Variants in NAA10 observed in about 807,000 individuals in gnomAD.
The protein encoded by NAA10 is N-alpha-acetyltransferase 10, NatA catalytic subunit.
Under a neutral mutation model 19.2 loss-of-function variants are expected in NAA10, and 6 were observed. The ratio of observed to expected loss-of-function variants is 0.31; its 90% CI spans 0.17 to 0.62. The LOEUF (loss-of-function observed/expected upper bound fraction) is 0.62. NAA10 is among the 20% of genes least tolerant of loss of function. The pLI, the probability that NAA10 is intolerant of heterozygous loss-of-function variation, is 0.83. For missense variants in NAA10, 101 were observed against 198.4 expected, an observed-to-expected ratio of 0.51 and a Z score of 2.95; for synonymous variants, 97 against 79.9, an observed-to-expected ratio of 1.21 and a Z score of -1.14.
chrX:153,930,660 C>A (rs2065161426), intron 7 of NAA10, 103 bp downstream of exon 7: 10 of 890,408 alleles, frequency 1.1e-5, no homozygotes, highest in Non-Finnish European at 1.6e-5. Flanking sequence ...GGCAACGTAG[C>A]CACAAGAGCT....
chrX:153,932,849 C>T (rs2065174609), intron 3 of NAA10: 3 of 404,606 alleles, frequency 7.4e-6, no homozygotes, highest in East Asian at 8.1e-5. Flanking sequence ...CCCAGGAGTT[C>T]GAGACCAGCC....
At chrX:153,934,603 A>G in intron 1 of NAA10, 128 bp from the exon 2 acceptor site, 1 of 619,488 alleles carries the variant, frequency 1.6e-6, no homozygotes, top group Non-Finnish European at 2.6e-6. Flanking sequence ...TGACGATCTG[A>G]CTTTGCACAA....
intron 3 of NAA10, chrX:153,933,656 GGCA>G (rs2065179775): frequency 4.6e-6 from 1 of 217,991 alleles, no homozygotes. Flanking sequence ...TGGGCGACAG[GGCA>G]AGACTCCGTC....
chrX:153,933,728 A>G, intron 3 of NAA10: 3 of 390,801 alleles, frequency 7.7e-6, no homozygotes, highest in Non-Finnish European at 1.3e-5. Flanking sequence ...ATCACTTGTC[A>G]CAAGTGGACC....
chrX:153,934,335 T>G (rs782150604), intron 2 of NAA10, 42 bp downstream of exon 2: 1 of 1,076,359 alleles, frequency 9.3e-7, no homozygotes, highest in East Asian at 3.2e-5. Context: ...GGGATTTTCC[T>G]CGGCCTGCTT....
intron 3 of NAA10, chrX:153,932,862 G>A (rs1271004625): frequency 3.2e-5 from 12 of 376,908 alleles, no homozygotes; most frequent in Middle Eastern, 7.2e-4. Context: ...GACCAGCCTG[G>A]ACAACACTTT....
At chrX:153,931,831 A>T in intron 6 of NAA10, 1 of 1,095,808 alleles carries the variant, frequency 9.1e-7, no homozygotes, top group Non-Finnish European at 1.2e-6. Flanking sequence ...CATGGGCCAG[A>T]GCTCCTCCAT....
At position 153,932,328 on chromosome X, in the gene NAA10, T is replaced by G; in HGVS notation, c.329A>C (p.His110Pro). 8.3e-7 allele frequency: 1 copy of G among 1,205,716 alleles called. No homozygotes were observed. Among genetic ancestry groups the G allele is most frequent in the Non-Finnish European group, 1.1e-6 (1 of 890,783 alleles). The change falls in exon 5 of 8, where the codon CAT (histidine) becomes CCT (proline). Residue 110 changes from histidine to proline, a missense_variant. By Grantham distance (77) the His-to-Pro change is moderately conservative. Transcript: ENST00000464845. ...ENFNAKYVSL[H>P]VRKSNRAALH... ...GCCCGGCTTCCACCTCTTCCTGACA[T>G]GCAGGGAGACATATTTGGCATTGAA...
intron 2 of NAA10, 90 bp downstream of exon 2, chrX:153,934,287 T>C: frequency 1.2e-6 from 1 of 809,901 alleles, no homozygotes; most frequent in Non-Finnish European, 1.8e-6. Context: ...CCCCCTGGGC[T>C]CTGACAGACT....
In NAA10 at chrX:153,932,536, T is replaced by C; in HGVS notation, c.225+3A>G. The stretch of plus-strand genomic sequence containing the variant: ...CCAGAGAGCCTGGGTGGACCTTACA[T>C]ACCAATGAGGTGATATGTCCATGGG... On this transcript the variant is annotated splice_donor_region_variant and intron_variant, in intron 4 of 7. Coordinates refer to ENST00000464845, the MANE Select transcript of NAA10 (RefSeq NM_003491.4). The C allele has an allele frequency of 8.3e-7, 1 of 1,206,190 alleles. No individual in the cohort carries two copies. The highest frequency in any genetic ancestry group is 1.1e-6 in the Non-Finnish European group (1 of 892,139).
At position 153,932,538 on chromosome X, in the gene NAA10, C is replaced by A; in HGVS notation, c.225+1G>T. The stretch of plus-strand genomic sequence containing the variant: ...AGAGAGCCTGGGTGGACCTTACATA[C>A]CAATGAGGTGATATGTCCATGGGGC... On this transcript the variant is annotated splice_donor_variant, in intron 4 of 7. Transcript: ENST00000464845. LOFTEE classifies it high-confidence loss of function. 8.3e-7 allele frequency: 1 copy of A among 1,206,112 alleles called. No individual in the cohort carries two copies. The highest frequency in any genetic ancestry group is 1.1e-6 in the Non-Finnish European group (1 of 891,892).
intron 6 of NAA10, chrX:153,931,597 C>T (rs1177369271): frequency 1.3e-6 from 1 of 753,363 alleles, no homozygotes; most frequent in Non-Finnish European, 1.6e-6. Context: ...CACACGGGGC[C>T]TCCTGGTCCT....
chrX:153,931,096 C>T (rs1436901156), intron 6 of NAA10: 13 of 1,081,275 alleles, frequency 1.2e-5, no homozygotes, highest in East Asian at 7.4e-5. Context: ...TCCATTTCTG[C>T]GGTTTCTTGT....
rs782308252 is a variant in NAA10, at chrX:153,930,250, G to A, written c.472-27C>T. 1.8e-5 allele frequency: 21 copies of A among 1,169,057 alleles called. No individual in the cohort carries two copies. The East Asian group carries it at 2.4e-4, about 13-fold the overall frequency. The stretch of plus-strand genomic sequence containing the variant: ...TGCCACCAGGAACCCAGGGAGAAGC[G>A]GGGGCAAAGAGACAGGGCCTAAGTT... On this transcript the variant is annotated intron_variant, in intron 7 of 7. Coordinates refer to ENST00000464845, the MANE Select transcript of NAA10 (RefSeq NM_003491.4).
At chrX:153,933,747 C>A in intron 3 of NAA10, 196 bp downstream of exon 3, 1 of 416,670 alleles carries the variant, frequency 2.4e-6, no homozygotes, top group Non-Finnish European at 4.2e-6. Context: ...CCACACAAAT[C>A]CAACATGCTA....
rs2065179947 is a variant in NAA10 at position 153,933,668 on chromosome X, T to C, written c.179+275A>G. The C allele has an allele frequency of 1.7e-5, 4 of 241,595 alleles. No homozygotes were observed. In the Admixed American group the frequency reaches 1.9e-4, roughly 11 times the overall value. 19.9% of individuals were successfully genotyped at this position (241,595 alleles called of 1,213,427 possible). On this transcript the variant is annotated intron_variant, in intron 3 of 7. Transcript: ENST00000464845. ...GCCTGGGCGACAGGGCAAGACTCCG[T>C]CTCAAATAATAATAGTAATAATAAT...
At position 153,933,927 on chromosome X, in the gene NAA10, C is replaced by T; in HGVS notation, c.179+16G>A. 8.3e-7 allele frequency: 1 copy of T among 1,205,324 alleles called. No individual in the cohort carries two copies. Among genetic ancestry groups the T allele is most frequent in the Non-Finnish European group, 1.1e-6 (1 of 889,703 alleles). On this transcript the variant is annotated intron_variant, in intron 3 of 7. Coordinates refer to ENST00000464845, the MANE Select transcript of NAA10 (RefSeq NM_003491.4). ...CCAGACACGTGTAGCTTCTGTCTTC[C>T]TCCTTGGTGACTCACATTTTGGCCA...
At position 153,934,021 on chromosome X, in the gene NAA10, G is replaced by A; in HGVS notation, c.121-20C>T. The A allele has an allele frequency of 8.3e-7, 1 of 1,198,420 alleles. No homozygotes were observed. The highest frequency in any genetic ancestry group is 1.1e-6 in the Non-Finnish European group (1 of 883,419). On this transcript the variant is annotated intron_variant, in intron 2 of 7. Coordinates refer to ENST00000464845, the MANE Select transcript of NAA10 (RefSeq NM_003491.4). ...AGAGAGCTGGTGACAGGAAAACAGA[G>A]TGAGAAAACTTCTTGTCGGAGCTAG...
chrX:153,930,730 G>A (rs782265675), intron 7 of NAA10, 33 bp downstream of exon 7: 15 of 1,199,990 alleles, frequency 1.3e-5, no homozygotes, highest in African/African-American at 7.0e-5. Flanking sequence ...TGCCGCCCCC[G>A]CTCGCCTTGC....
Sources: gnomAD v4.1 joint callset for allele counts on GRCh38, gnomAD v4.1.1 for gene constraint, MANE v1.5 for transcripts, NCBI Gene and HGNC (gene_info 2026-07-23, HGNC 2026-07-21) for gene names.